Variants in TMEM131L observed in about 807,000 individuals in gnomAD.
The protein encoded by TMEM131L is transmembrane protein 131-like.
In TMEM131L, 54 loss-of-function variants were observed where a neutral mutation model predicts 192.2. The ratio of observed to expected loss-of-function variants is 0.28; its 90% CI spans 0.23 to 0.35. The LOEUF (loss-of-function observed/expected upper bound fraction) is 0.35. Among genes scored for constraint, TMEM131L ranks in the 10% least tolerant of loss-of-function variants. The pLI is 1.00. For synonymous variants in TMEM131L, 701 were observed against 704.9 expected, an observed-to-expected ratio of 0.99 and a Z score of 0.09; for missense variants, 1,888 against 1,972.9, an observed-to-expected ratio of 0.96 and a Z score of 0.82.
At chr4:153,619,561 C>G (rs567397453) in intron 26 of TMEM131L, among the ~76,000 whole-genome samples, 3 of 152,312 alleles carry the variant, frequency 2.0e-5, no homozygotes, top group Non-Finnish European at 2.9e-5. Context: ...TGTCATAATC[C>G]CACTGCCTAC....
chr4:153,616,206 T>G (rs1561246463), intron 26 of TMEM131L, among the ~76,000 whole-genome samples: 1 of 152,186 alleles, frequency 6.6e-6, no homozygotes, highest in Non-Finnish European at 1.5e-5. Flanking sequence ...TGGCCCAAGG[T>G]TGTCCCCAAC....
chr4:153,623,382 T>C (rs2126772382), intron 29 of TMEM131L, among the ~76,000 whole-genome samples: 1 of 152,378 alleles, frequency 6.6e-6, no homozygotes, highest in Non-Finnish European at 1.5e-5. Context: ...GCCATTGTGA[T>C]GTTTCTTAGG....
Position 153,596,347 on chromosome 4 carries a change from T to G in TMEM131L, c.2085T>G (p.Pro695=). ...EMKRVGVVFT[P]ADYGKVTSLI... ...AAAGGGTTGGCGTAGTTTTCACACC[T>G]GCTGACTATGGAAAAGTTACCTCAC... Residue 695 remains proline, a synonymous_variant, in exon 20 of 35, where the codon CCT becomes CCG. Transcript: ENST00000409959. The G allele has an allele frequency of 6.2e-7, 1 of 1,613,990 alleles. No homozygotes were observed. Among genetic ancestry groups the G allele is most frequent in the Non-Finnish European group, 8.5e-7 (1 of 1,179,864 alleles).
intron 4 of TMEM131L, among the ~76,000 whole-genome samples, chr4:153,553,121 A>C (rs1056758745): frequency 7.2e-5 from 11 of 152,190 alleles, no homozygotes; most frequent in Non-Finnish European, 1.3e-4. Flanking sequence ...TCTGATTTTT[A>C]GATGGAATCA....
At position 153,636,390 on chromosome 4, in the gene TMEM131L, C is replaced by G. The variant is rs763965401; in HGVS notation, c.4647C>G (p.Cys1549Trp). The G allele has an allele frequency of 2.5e-6, 4 of 1,614,018 alleles. No homozygotes were observed. The highest frequency in any genetic ancestry group is 3.4e-6 in the Non-Finnish European group (4 of 1,180,034). Residue 1549 changes from cysteine to tryptophan, a missense_variant, in exon 35 of 35, where the codon TGC becomes TGG. Transcript: ENST00000409959. The part of the protein sequence containing the change: ...WAPQSDVYEN[C>W]CPINPTTEHS... ...CGCAAAGCGATGTGTATGAAAATTGCTGCCCCATCAACCCCACCACGGAAC... is the reference window on the plus strand; with the variant it reads ...CGCAAAGCGATGTGTATGAAAATTGGTGCCCCATCAACCCCACCACGGAAC...
chr4:153,600,180 C>T (rs1369420758), intron 21 of TMEM131L, among the ~76,000 whole-genome samples: 1 of 152,106 alleles, frequency 6.6e-6, no homozygotes, highest in Non-Finnish European at 1.5e-5. Context: ...GCCTGGGCAA[C>T]AAAGCAAGAC....
intron 3 of TMEM131L, among the ~76,000 whole-genome samples, chr4:153,542,081 T>A (rs1201442935): frequency 6.6e-6 from 1 of 152,240 alleles, no homozygotes; most frequent in Non-Finnish European, 1.5e-5. Flanking sequence ...AGGAAGATGC[T>A]GAACAGCTAC....
intron 3 of TMEM131L, among the ~76,000 whole-genome samples, chr4:153,541,045 C>T (rs1178853498): frequency 6.6e-6 from 1 of 152,152 alleles, no homozygotes; most frequent in Non-Finnish European, 1.5e-5. Context: ...ATGTTATAAT[C>T]ACATTTCATT....
chr4:153,475,989 C>T (rs924180109), intron 3 of TMEM131L, among the ~76,000 whole-genome samples: 22 of 152,184 alleles, frequency 1.4e-4, no homozygotes, highest in Non-Finnish European at 2.9e-5. Context: ...AACAGTGTCT[C>T]ACTCTGTTGC....
intron 3 of TMEM131L, among the ~76,000 whole-genome samples, chr4:153,517,537 G>A (rs1214651621): frequency 3.3e-5 from 5 of 152,070 alleles, no homozygotes; most frequent in African/African-American, 1.2e-4. Flanking sequence ...ATAAAACCTG[G>A]ATCTGCCCTG....
intron 3 of TMEM131L, among the ~76,000 whole-genome samples, chr4:153,546,570 T>G (rs1374008033): frequency 6.6e-6 from 1 of 152,214 alleles, no homozygotes; most frequent in Non-Finnish European, 1.5e-5. Flanking sequence ...TGAGGATAAT[T>G]GTTCATGTCT....
rs1731339159 is a variant in TMEM131L, at chr4:153,473,906, G to T, written c.239+18G>T. On this transcript the variant is annotated intron_variant, in intron 3 of 34. Transcript: ENST00000409959. ...GAACAGAGGTAAGGAAAAAATGGGG[G>T]TGGAAACCTGCATGCTGAATGTCCC... The T allele has an allele frequency of 6.5e-7, 1 of 1,536,456 alleles. No homozygotes were observed. The highest frequency in any genetic ancestry group is 2.0e-5 in the Admixed American group (1 of 49,838).
Position 153,583,600 on chromosome 4 carries a change from C to G in TMEM131L, c.988C>G (p.Leu330Val), listed in dbSNP as rs768996966. The G allele has an allele frequency of 6.2e-7, 1 of 1,612,318 alleles. No individual in the cohort carries two copies. Among genetic ancestry groups the G allele is most frequent in the Non-Finnish European group, 8.5e-7 (1 of 1,179,354 alleles). ...TTTCTCACAGAGAGATGCTCTGTCTCTGCAGTTTGAACCAGTACTACTACC... is the reference window on the plus strand; with the variant it reads ...TTTCTCACAGAGAGATGCTCTGTCTGTGCAGTTTGAACCAGTACTACTACC... ...RHFSQRDALS[L>V]QFEPVLLPTS... The change falls in exon 11 of 35, where the codon CTG becomes GTG. Residue 330 changes from leucine to valine, a missense_variant. By Grantham distance (32) the Leu-to-Val change is conservative. Coordinates refer to ENST00000409959, the MANE Select transcript of TMEM131L (RefSeq NM_001131007.2).
At chr4:153,574,320 G>A (rs920874109) in intron 7 of TMEM131L, among the ~76,000 whole-genome samples, 6 of 152,132 alleles carry the variant, frequency 3.9e-5, no homozygotes, top group African/African-American at 1.4e-4. Context: ...GGGTAGTGGT[G>A]GTGGTGGTGG....
At chr4:153,466,554 C>T in intron 1 of TMEM131L, 33 bp downstream of exon 1, 5 of 1,290,458 alleles carry the variant, frequency 3.9e-6, no homozygotes, top group South Asian at 4.6e-5. Context: ...CGCTCTGCCT[C>T]TCCACCCCGC....
intron 3 of TMEM131L, among the ~76,000 whole-genome samples, chr4:153,537,694 A>G (rs987932371): frequency 6.6e-6 from 1 of 152,110 alleles, no homozygotes; most frequent in Admixed American, 6.5e-5. Context: ...CAAGGCCTTT[A>G]TGACCTGTAT....
At chr4:153,594,737 C>G (rs1392538805) in intron 19 of TMEM131L, among the ~76,000 whole-genome samples, 1 of 152,186 alleles carries the variant, frequency 6.6e-6, no homozygotes, top group East Asian at 1.9e-4. Flanking sequence ...ACAGACTCTC[C>G]TTTCTTTTCT....
At chr4:153,519,101 A>G (rs529000314) in intron 3 of TMEM131L, among the ~76,000 whole-genome samples, 2 of 152,256 alleles carry the variant, frequency 1.3e-5, no homozygotes, top group East Asian at 3.9e-4. Flanking sequence ...CAAATTGGTG[A>G]TAAGACCAAA....
chr4:153,480,711 A>T (rs961628840), intron 3 of TMEM131L, among the ~76,000 whole-genome samples: 4 of 152,170 alleles, frequency 2.6e-5, no homozygotes, highest in Non-Finnish European at 5.9e-5. Context: ...TTATGGCTAC[A>T]CAGCAGTGTA....
Sources: allele counts gnomAD v4.1 joint callset (sites outside exome capture counted in the v4.1 genomes callset), GRCh38; gene constraint gnomAD v4.1.1; transcripts MANE v1.5; gene names NCBI Gene and HGNC (gene_info 2026-07-23, HGNC 2026-07-21).